ALDH1L2: variants seen among roughly 807,000 people sequenced by gnomAD.
ALDH1L2 encodes the protein aldehyde dehydrogenase 1 family member L2, also known as mitochondrial 10-formyltetrahydrofolate dehydrogenase.
Under a neutral mutation model 111.0 loss-of-function variants are expected in ALDH1L2, and 91 were observed. That is an observed-to-expected ratio of 0.82 (90% CI 0.69 to 0.98). The LOEUF (loss-of-function observed/expected upper bound fraction) is 0.98. Among genes scored for constraint, ALDH1L2 ranks in the 50% least tolerant of loss-of-function variants. The probability of loss-of-function intolerance (pLI) is 0.00; values close to 1 mark genes in which losing one functional copy is unlikely to be tolerated. For synonymous variants in ALDH1L2, 374 were observed against 392.6 expected, an observed-to-expected ratio of 0.95 and a Z score of 0.56; for missense variants, 995 against 1,126.8, an observed-to-expected ratio of 0.88 and a Z score of 1.67.
chr12:105,034,506 T>C (rs1874874095), intron 18 of ALDH1L2, 108 bp from the exon 19 acceptor site: 9 of 884,140 alleles, frequency 1.0e-5, no homozygotes, highest in Non-Finnish European at 1.4e-5. Context: ...GCAGGCAATA[T>C]AGATAAGTCA....
At chr12:105,070,542 A>G (rs1322268780) in intron 3 of ALDH1L2, 28 bp downstream of exon 3, 1 of 1,570,000 alleles carries the variant, frequency 6.4e-7, no homozygotes, top group East Asian at 2.2e-5. Flanking sequence ...CCATCTCAAA[A>G]AAAAAAAGTA....
At chr12:105,040,151 A>C (rs937885906) in intron 16 of ALDH1L2, among the ~76,000 whole-genome samples, 2 of 149,218 alleles carry the variant, frequency 1.3e-5, no homozygotes, top group African/African-American at 2.5e-5. Flanking sequence ...AAAAAAAAAA[A>C]ACCTTACTCA....
intron 17 of ALDH1L2, among the ~76,000 whole-genome samples, chr12:105,038,488 A>G (rs1316084330): frequency 6.6e-6 from 1 of 152,046 alleles, no homozygotes; most frequent in Non-Finnish European, 1.5e-5. Flanking sequence ...GCAACATGGC[A>G]AGACCTCATC....
rs966281076 is a variant in ALDH1L2, at chr12:105,034,171, G to C, written c.2244+129C>G. ...TGTAGCTATAAAAAAACTAGGGACT[G>C]ATTTTTTTTAAAACATAACCACAAT... On this transcript the variant is annotated intron_variant, in intron 19 of 22. Transcript: ENST00000258494. 7.5e-5 allele frequency: 62 copies of C among 830,446 alleles called. No individual in the cohort carries two copies. In the African/African-American group the frequency reaches 9.4e-4, roughly 13 times the overall value. 51.4% of individuals were successfully genotyped at this position (830,446 alleles called of 1,614,324 possible).
At position 105,084,420 on chromosome 12, in the gene ALDH1L2, C is replaced by T; in HGVS notation, c.17G>A (p.Ser6Asn). The change falls in exon 1 of 23, where the codon AGC becomes AAC. Residue 6 changes from serine to asparagine, a missense_variant. Ser to Asn is a conservative substitution (Grantham distance 46, BLOSUM62 1). Transcript: ENST00000258494. MLRRGSQALRRFSTGR... is the reference protein window; with the variant it reads MLRRGNQALRRFSTGR... ...AGTGGAGAAGCGCCGGAGCGCCTGG[C>T]TGCCCCGCCGCAGCATGCTGGAGAG... The T allele has an allele frequency of 6.7e-7, 1 of 1,493,622 alleles. No homozygotes were observed. Among genetic ancestry groups the T allele is most frequent in the Non-Finnish European group, 8.9e-7 (1 of 1,128,398 alleles). The allele number at this position is 1,493,622 out of a possible 1,614,324, so 92.5% of individuals were successfully genotyped here.
chr12:105,074,479 A>AGAAAAG (rs1877927789), intron 1 of ALDH1L2, among the ~76,000 whole-genome samples: 1 of 149,416 alleles, frequency 6.7e-6, no homozygotes, highest in Non-Finnish European at 1.5e-5. Flanking sequence ...AAAAAAAAAA[A>AGAAAAG]AAAAGAAAAG....
At chr12:105,060,559 T>C (rs143187852) in intron 9 of ALDH1L2, 1,836 of 154,706 alleles carry the variant, frequency 0.012, 51 homozygotes, top group African/African-American at 0.042. Context: ...GCGTGGTGGC[T>C]CACACCTATA....
In ALDH1L2 at chr12:105,058,085, C is replaced by T. The variant is rs1487378490; in HGVS notation, c.1275G>A (p.Leu425=). 1 of 1,612,522 alleles carries T rather than the reference C, an allele frequency of 6.2e-7. No homozygotes were observed. The highest frequency in any genetic ancestry group is 2.2e-5 in the East Asian group (1 of 44,804). Residue 425 remains leucine, a synonymous_variant, in exon 10 of 23, where the codon CTG becomes CTA. Transcript: ENST00000258494. ...KLRGEDQEVE[L]VVDYISKEVN... ...AGGAAAAGCTTACATAATCTACAAC[C>T]AGCTCCACCTCTTGATCTTCTCCTC...
At chr12:105,083,768 C>T (rs1054739407) in intron 1 of ALDH1L2, among the ~76,000 whole-genome samples, 4 of 152,124 alleles carry the variant, frequency 2.6e-5, no homozygotes, top group Non-Finnish European at 4.4e-5. Flanking sequence ...GGCCAGAGCT[C>T]GGTTCTTGTG....
At position 105,066,646 on chromosome 12, in the gene ALDH1L2, A is replaced by G; in HGVS notation, c.618T>C (p.Ala206=). 1.9e-6 allele frequency: 3 copies of G among 1,614,170 alleles called. No homozygotes were observed. The highest frequency in any genetic ancestry group is 2.5e-6 in the Non-Finnish European group (3 of 1,180,032). ...KAMVEAVQLI[A]DGKAPRIPQP... The stretch of plus-strand genomic sequence containing the variant: ...GGGGTATACGAGGAGCTTTTCCATC[A>G]GCTATGAGTTGGACAGCTTCTACCT... The change falls in exon 5 of 23, where the codon GCT becomes GCC. Residue 206 remains alanine (A), a synonymous_variant. Transcript: ENST00000258494.
chr12:105,051,511 G>T (rs761140925), intron 12 of ALDH1L2, among the ~76,000 whole-genome samples: 24 of 152,172 alleles, frequency 1.6e-4, no homozygotes, highest in Non-Finnish European at 3.4e-4. Flanking sequence ...CCTGCTGCTA[G>T]CCCTGCCTGG....
intron 15 of ALDH1L2, among the ~76,000 whole-genome samples, chr12:105,046,164 TCTCTCTCTCTCTCTCTC>T (rs1875838497): frequency 4.0e-5 from 1 of 25,064 alleles, no homozygotes; most frequent in African/African-American, 2.0e-4. Flanking sequence ...TCTCTCTCTC[TCTCTCTCTCTCTCTCTC>T]TCTCTCTCTC....
At chr12:105,028,076 C>A (rs1214802080) in intron 21 of ALDH1L2, among the ~76,000 whole-genome samples, 2 of 152,126 alleles carry the variant, frequency 1.3e-5, no homozygotes, top group South Asian at 2.1e-4. Flanking sequence ...CACACATTTT[C>A]TACCACATGG....
intron 2 of ALDH1L2, among the ~76,000 whole-genome samples, chr12:105,071,142 T>A (rs1819983135): frequency 6.6e-6 from 1 of 152,218 alleles, no homozygotes; most frequent in African/African-American, 2.4e-5. Context: ...TGGAGGCATG[T>A]GCCAATACTT....
chr12:105,027,129 C>T (rs1332207043), intron 21 of ALDH1L2, among the ~76,000 whole-genome samples: 1 of 152,256 alleles, frequency 6.6e-6, no homozygotes, highest in Non-Finnish European at 1.5e-5. Context: ...CCAACCTTGC[C>T]CTTGCAAAGT....
rs1592806771 is a variant in ALDH1L2 at position 105,071,779 on chromosome 12, C to A, written c.194-975G>T. Among the ~76,000 whole-genome samples the A allele has an allele frequency of 2.0e-5, 3 of 148,456 alleles. No homozygotes were observed. In the East Asian group the frequency reaches 5.9e-4, roughly 29 times the overall value. On this transcript the variant is annotated intron_variant, in intron 2 of 22. Coordinates refer to ENST00000258494, the MANE Select transcript of ALDH1L2 (RefSeq NM_001034173.4). ...TCATGCCATTCTCCAGCCTCAGCCT[C>A]CCGAGTAGTATATATTTAAAAAATC...
chr12:105,078,898 T>C (rs1298504997), intron 1 of ALDH1L2, among the ~76,000 whole-genome samples: 4 of 152,158 alleles, frequency 2.6e-5, no homozygotes, highest in Admixed American at 2.6e-4. Context: ...AACAAATGCA[T>C]GTGCACAGCG....
At chr12:105,055,367 T>C (rs1876548711) in intron 10 of ALDH1L2, among the ~76,000 whole-genome samples, 1 of 152,074 alleles carries the variant, frequency 6.6e-6, no homozygotes, top group Admixed American at 6.6e-5. Context: ...ATAAAGACTT[T>C]ACAGAATTGT....
intron 15 of ALDH1L2, 67 bp downstream of exon 15, chr12:105,046,643 T>G (rs10861324): frequency 0.39 from 525,416 of 1,347,992 alleles, 104,379 homozygotes; most frequent in South Asian, 0.53. Context: ...ATAAATATAT[T>G]TCACTTTTTT....
Sources: allele counts gnomAD v4.1 joint callset (sites outside exome capture counted in the v4.1 genomes callset), GRCh38; gene constraint gnomAD v4.1.1; transcripts MANE v1.5; gene names NCBI Gene and HGNC (gene_info 2026-07-23, HGNC 2026-07-21).